The following LEKR1 variants were observed in gnomAD, a reference collection of about 807,000 sequenced individuals.
LEKR1 encodes protein LEKR1.
A neutral mutation model predicts 72.4 loss-of-function variants in LEKR1; 59 were observed. The observed-to-expected ratio is 0.82, with a 90% CI of 0.66 to 1.01. The LOEUF is 1.01. LEKR1 is among the 50% of genes least tolerant of loss of function. The probability of loss-of-function intolerance (pLI) is 0.00; values close to 1 mark genes in which losing one functional copy is unlikely to be tolerated. For synonymous variants in LEKR1, 257 were observed against 263.2 expected (o/e 0.98, Z 0.23); for missense variants, 728 against 759.2 (o/e 0.96, Z 0.48).
intron 3 of LEKR1, among the ~76,000 whole-genome samples, chr3:156,865,181 C>T (rs1305153807): frequency 6.6e-6 from 1 of 151,938 alleles, no homozygotes; most frequent in Non-Finnish European, 1.5e-5. Context: ...TATGTTACCC[C>T]CATCATCACT....
In LEKR1 at chr3:156,992,662, TA is replaced by T; in HGVS notation, c.839del (p.Asn280MetfsTer13). The T allele has an allele frequency of 1.1e-6, 1 of 880,224 alleles. No homozygotes were observed. The highest frequency in any genetic ancestry group is 1.5e-6 in the Non-Finnish European group (1 of 683,198). The allele number at this position is 880,224 out of a possible 1,614,324, so 54.5% of individuals were successfully genotyped here. ...TTTTGTATTATTTTAGGAATAAATC[TA>T]ATGAAGCTGATGACTGTCAAAGAGA... ...NYKEMLMNKS[N>X]EADDCQRELK... On this transcript the variant is annotated frameshift_variant, in exon 8 of 13. Coordinates refer to ENST00000356539, the MANE Select transcript of LEKR1 (RefSeq NM_001004316.3). LOFTEE classifies it high-confidence loss of function.
At chr3:157,028,526 A>AAATCACATCCTGGTGCTCTGTCCTT (rs554396097) in intron 12 of LEKR1, 124 bp downstream of exon 12, 2 of 783,012 alleles carry the variant, frequency 2.6e-6, no homozygotes, top group East Asian at 2.7e-5. Flanking sequence ...AGTCTGACCT[A>AAATCACATCCTGGTGCTCTGTCCTT]AATCACATCC....
intron 6 of LEKR1, among the ~76,000 whole-genome samples, chr3:156,948,085 A>G (rs988633041): frequency 6.6e-6 from 1 of 151,162 alleles, no homozygotes; most frequent in Non-Finnish European, 1.5e-5. Flanking sequence ...TTATAAACTA[A>G]GTTTTAGAAA....
intron 10 of LEKR1, among the ~76,000 whole-genome samples, chr3:157,020,588 T>C (rs1470796407): frequency 6.6e-6 from 1 of 151,666 alleles, no homozygotes; most frequent in East Asian, 1.9e-4. Context: ...TTCATCCATG[T>C]ACCTACAAAG....
intron 3 of LEKR1, among the ~76,000 whole-genome samples, chr3:156,903,310 G>A (rs1722214921): frequency 6.6e-6 from 1 of 151,850 alleles, no homozygotes; most frequent in Non-Finnish European, 1.5e-5. Context: ...CCATTTCTCT[G>A]ACTTTTAGTG....
chr3:156,906,152 A>G (rs1043797047), intron 3 of LEKR1, among the ~76,000 whole-genome samples: 2 of 152,204 alleles, frequency 1.3e-5, no homozygotes, highest in Non-Finnish European at 2.9e-5. Flanking sequence ...AAAGTGTTTC[A>G]TTATAGAGTG....
chr3:157,023,230 C>A (rs549494618), intron 10 of LEKR1, among the ~76,000 whole-genome samples: 1 of 152,252 alleles, frequency 6.6e-6, no homozygotes, highest in South Asian at 2.1e-4. Flanking sequence ...CAGTATAAAT[C>A]TAGAGCCAGA....
At chr3:156,870,837 G>A (rs1183745712) in intron 3 of LEKR1, among the ~76,000 whole-genome samples, 1 of 152,032 alleles carries the variant, frequency 6.6e-6, no homozygotes, top group Non-Finnish European at 1.5e-5. Context: ...TTTATGTTGA[G>A]ATATGTTCCT....
chr3:157,032,000 G>T (rs1734645519), intron 12 of LEKR1, among the ~76,000 whole-genome samples: 1 of 151,912 alleles, frequency 6.6e-6, no homozygotes, highest in African/African-American at 2.4e-5. Flanking sequence ...ATAAAACTGT[G>T]CTAGAAATGT....
intron 7 of LEKR1, among the ~76,000 whole-genome samples, chr3:156,990,392 C>T (rs1029373578): frequency 4.6e-5 from 7 of 152,040 alleles, no homozygotes; most frequent in South Asian, 2.1e-4. Flanking sequence ...TGTTCTCTTT[C>T]GATTAATAAG....
At chr3:156,965,226 C>T (rs1576910276) in intron 6 of LEKR1, among the ~76,000 whole-genome samples, 1 of 151,996 alleles carries the variant, frequency 6.6e-6, no homozygotes, top group East Asian at 1.9e-4. Context: ...CACACATATA[C>T]ACACACACAA....
chr3:156,979,371 C>T, intron 7 of LEKR1, 96 bp downstream of exon 7: 1 of 513,526 alleles, frequency 1.9e-6, no homozygotes, highest in East Asian at 6.9e-5. Context: ...TTATAAAGAC[C>T]CTGGTGTGTT....
At chr3:156,854,121 C>T (rs1446691580) in intron 3 of LEKR1, among the ~76,000 whole-genome samples, 1 of 146,448 alleles carries the variant, frequency 6.8e-6, no homozygotes, top group African/African-American at 2.5e-5. Context: ...TGTATTCTTA[C>T]TGGAGGTAAA....
intron 7 of LEKR1, chr3:156,988,031 C>T (rs1157413252): frequency 6.6e-6 from 1 of 152,230 alleles, no homozygotes; most frequent in Non-Finnish European, 1.5e-5. Context: ...CTAAACTAAA[C>T]CAAAAACCAC....
chr3:156,975,045 C>T (rs1729574005), intron 6 of LEKR1, among the ~76,000 whole-genome samples: 2 of 152,108 alleles, frequency 1.3e-5, no homozygotes, highest in African/African-American at 4.8e-5. Context: ...TGCAACTATT[C>T]CCCTTCTTTA....
At position 156,888,287 on chromosome 3, in the gene LEKR1, A is replaced by G. The variant is rs1484788320; in HGVS notation, c.264-32288A>G. The G allele has an allele frequency of 3.4e-5, 24 of 701,048 alleles. No homozygotes were observed. In the East Asian group the frequency reaches 3.8e-4, roughly 11 times the overall value. 43.4% of individuals were successfully genotyped at this position (701,048 alleles called of 1,614,324 possible). A position where few individuals can be genotyped will look rare whatever the true frequency, so the allele number is the denominator to read the frequency against. ...ATATAAATCGTAATGTTTATGTTCA[A>G]TCTTAACAGCAAAATATACTTCAGA... is the stretch of plus-strand genomic sequence containing the variant. On this transcript the variant is annotated intron_variant, in intron 3 of 12. Transcript: ENST00000356539.
Position 157,028,103 on chromosome 3 carries a change from AT to A in LEKR1, c.1370del (p.Ile457AsnfsTer4). The A allele has an allele frequency of 6.4e-7, 1 of 1,553,620 alleles. No individual in the cohort carries two copies. Among genetic ancestry groups the A allele is most frequent in the Non-Finnish European group, 8.7e-7 (1 of 1,150,900 alleles). ...AGCTAATATGAGATTTATCTTACAG[AT>A]ATCTGACTTAATCACAGGCGCTACA... ...KKEQEELQMK[I>X]SDLITGATRD... On this transcript the variant is annotated frameshift_variant and splice_region_variant, in exon 12 of 13. Transcript: ENST00000356539. LOFTEE classifies it high-confidence loss of function.
chr3:157,004,055 A>G (rs1336594901), intron 9 of LEKR1, among the ~76,000 whole-genome samples: 1 of 152,166 alleles, frequency 6.6e-6, no homozygotes, highest in Non-Finnish European at 1.5e-5. Flanking sequence ...GTCAGATTGT[A>G]TAAGAAAGTA....
chr3:157,033,375 C>T (rs2321457), intron 12 of LEKR1, among the ~76,000 whole-genome samples: 15,057 of 152,178 alleles, frequency 0.099, 809 homozygotes, highest in East Asian at 0.16. Flanking sequence ...AAAGTGCTAC[C>T]TCAGTGAATA....
Sources: allele counts gnomAD v4.1 joint callset (sites outside exome capture counted in the v4.1 genomes callset), GRCh38; gene constraint gnomAD v4.1.1; transcripts MANE v1.5; gene names NCBI Gene and HGNC (gene_info 2026-07-23, HGNC 2026-07-21).